Variants in DCAF6 observed in about 807,000 individuals in gnomAD.
DCAF6 encodes DDB1 and CUL4 associated factor 6, also known as DDB1- and CUL4-associated factor 6.
Under a neutral mutation model 125.1 loss-of-function variants are expected in DCAF6, and 54 were observed. The ratio of observed to expected loss-of-function variants is 0.43; its 90% CI spans 0.35 to 0.54. The LOEUF (loss-of-function observed/expected upper bound fraction) is 0.54. DCAF6 is among the 20% of genes least tolerant of loss of function. The pLI is 0.01. For missense variants in DCAF6, 934 were observed against 1,161.7 expected (o/e 0.80, Z 2.85); for synonymous variants, 371 against 390.4 (o/e 0.95, Z 0.58).
chr1:168,018,487 A>G (rs1035138002), intron 11 of DCAF6, among the ~76,000 whole-genome samples: 2 of 152,116 alleles, frequency 1.3e-5, no homozygotes, highest in Non-Finnish European at 2.9e-5. Flanking sequence ...GCGACTACCC[A>G]CCTGCTTGCT....
intron 2 of DCAF6, among the ~76,000 whole-genome samples, chr1:167,956,722 T>C (rs1003507828): frequency 6.6e-6 from 1 of 152,162 alleles, no homozygotes; most frequent in Non-Finnish European, 1.5e-5. Flanking sequence ...TTCTAAATAT[T>C]GTTTTAGCTG....
intron 4 of DCAF6, among the ~76,000 whole-genome samples, chr1:167,987,218 G>C (rs1680134099): frequency 6.6e-6 from 1 of 152,132 alleles, no homozygotes; most frequent in Non-Finnish European, 1.5e-5. Flanking sequence ...TTCTTCCCTA[G>C]TTGTTAGAAG....
chr1:168,011,789 A>G lies in DCAF6; in HGVS notation c.1379-3992A>G, dbSNP rs112843871. Among the ~76,000 whole-genome samples, 1,203 of 152,142 alleles carry G rather than the reference A, an allele frequency of 7.9e-3. 14 individuals carry two copies. Among genetic ancestry groups the G allele is most frequent in the African/African-American group, 0.027 (1,133 of 41,504 alleles). ...GGTCAGGAGTTTGAGACCAGCCTGG[A>G]CAACATGGTGAAACTCCATTTCTAC... On this transcript the variant is annotated intron_variant, in intron 10 of 21. Transcript: ENST00000367840.
At chr1:167,914,276 T>G in the DCAF6 span, 1 of 152,194 alleles carries the variant, frequency 6.6e-6, no homozygotes, top group Non-Finnish European at 1.5e-5. Flanking sequence ...ACTGGCTGTT[T>G]CAGGTTCTCT....
chr1:168,073,932 T>C (rs1042145690), intron 21 of DCAF6, among the ~76,000 whole-genome samples: 2 of 149,480 alleles, frequency 1.3e-5, no homozygotes, highest in Non-Finnish European at 3.0e-5. Context: ...TCTATTCAAA[T>C]CTTATTTTGT....
chr1:167,998,310 T>C (rs1169090446), intron 7 of DCAF6, among the ~76,000 whole-genome samples: 2 of 152,214 alleles, frequency 1.3e-5, no homozygotes, highest in East Asian at 3.9e-4. Context: ...AACAATCATC[T>C]GAACCTCAGT....
At chr1:168,015,365 T>C (rs1490912647) in intron 10 of DCAF6, among the ~76,000 whole-genome samples, 1 of 152,174 alleles carries the variant, frequency 6.6e-6, no homozygotes, top group African/African-American at 2.4e-5. Flanking sequence ...TCCTTTTAAT[T>C]GAATTTTGTT....
intron 19 of DCAF6, 47 bp from the exon 20 acceptor site, chr1:168,066,330 A>T: frequency 7.8e-7 from 1 of 1,283,426 alleles, no homozygotes; most frequent in Non-Finnish European, 1.1e-6. Context: ...CATATCCTGA[A>T]TTGCATGTTT....
At position 167,991,263 on chromosome 1, in the gene DCAF6, A is replaced by G. The variant is rs781021091; in HGVS notation, c.612A>G (p.Pro204=). 1.3e-5 allele frequency: 21 copies of G among 1,613,370 alleles called. No individual in the cohort carries two copies. The highest frequency in any genetic ancestry group is 2.2e-5 in the East Asian group (1 of 44,868). Residue 204 remains proline, a synonymous_variant, in exon 6 of 22, where the codon CCA becomes CCG. Transcript: ENST00000367840. ...ATSVAICPPI[P]YYLAVGCSDS... is the part of the protein sequence containing the mutation. ...CTGTTGCTATTTGCCCACCAATACC[A>G]TATTACCTTGCTGTTGGTTGTTCTG...
intron 2 of DCAF6, among the ~76,000 whole-genome samples, chr1:167,954,210 T>A (rs1311730349): frequency 6.6e-6 from 1 of 151,954 alleles, no homozygotes; most frequent in Non-Finnish European, 1.5e-5. Context: ...TTCGCCGTGT[T>A]GGCTAGGCTG....
chr1:167,969,455 C>T (rs1676964670), intron 3 of DCAF6, among the ~76,000 whole-genome samples: 1 of 152,108 alleles, frequency 6.6e-6, no homozygotes, highest in South Asian at 2.1e-4. Context: ...CTTTTAGCTT[C>T]TGAGTTCATA....
At chr1:168,066,628 T>C (rs1050981264) in intron 20 of DCAF6, among the ~76,000 whole-genome samples, 163 bp downstream of exon 20, 2 of 152,170 alleles carry the variant, frequency 1.3e-5, no homozygotes, top group African/African-American at 4.8e-5. Flanking sequence ...AGGATGTCTA[T>C]AATACTAGGG....
chr1:167,864,845 C>G, the DCAF6 span, among the ~76,000 whole-genome samples: 1 of 149,136 alleles, frequency 6.7e-6, no homozygotes, highest in Non-Finnish European at 1.5e-5. Context: ...CAGTAACCCA[C>G]GGATGGCCCA....
intron 10 of DCAF6, among the ~76,000 whole-genome samples, chr1:168,012,346 T>A (rs1028874473): frequency 6.6e-6 from 1 of 152,236 alleles, no homozygotes; most frequent in African/African-American, 2.4e-5. Context: ...TAACCTGTAA[T>A]CTTTCAGAAG....
At chr1:167,878,706 T>C in the DCAF6 span, 2 of 1,476,842 alleles carry the variant, frequency 1.4e-6, no homozygotes, top group Non-Finnish European at 1.9e-6. Flanking sequence ...TCTGAAACAT[T>C]GTCCCCAAAT....
At chr1:167,982,138 T>G (rs1679275654) in intron 4 of DCAF6, among the ~76,000 whole-genome samples, 1 of 152,222 alleles carries the variant, frequency 6.6e-6, no homozygotes, top group Admixed American at 6.5e-5. Flanking sequence ...TGTGGAGCAT[T>G]TTATTTTGTG....
the DCAF6 span, chr1:167,896,670 G>A: frequency 1.3e-5 from 21 of 1,612,642 alleles, no homozygotes; most frequent in Non-Finnish European, 1.8e-5. Context: ...TTAAAATTGG[G>A]GGGTGGTTTT....
upstream of DCAF6, among the ~76,000 whole-genome samples, chr1:167,933,174 T>G (rs1259924163): frequency 6.6e-6 from 1 of 151,728 alleles, no homozygotes; most frequent in African/African-American, 2.4e-5. Flanking sequence ...CATTAGTTTT[T>G]TTTTTTTTTT....
the DCAF6 span, among the ~76,000 whole-genome samples, chr1:167,910,427 T>G: frequency 2.6e-5 from 4 of 152,210 alleles, no homozygotes; most frequent in African/African-American, 9.7e-5. Context: ...TGTAGTTGTC[T>G]TCAAATATTT....
Sources: gnomAD v4.1 joint callset for allele counts (sites outside exome capture counted in the v4.1 genomes callset) on GRCh38, gnomAD v4.1.1 for gene constraint, MANE v1.5 for transcripts, NCBI Gene and HGNC (gene_info 2026-07-23, HGNC 2026-07-21) for gene names.